SMOC2: variants seen among roughly 807,000 people sequenced by gnomAD.
SMOC2 encodes SPARC-related modular calcium-binding protein 2.
A neutral mutation model predicts 61.4 loss-of-function variants in SMOC2; 39 were observed. The ratio of observed to expected loss-of-function variants is 0.64; its 90% CI spans 0.49 to 0.83. SMOC2 has a LOEUF of 0.83. Among genes scored for constraint, SMOC2 ranks in the 40% least tolerant of loss-of-function variants. SMOC2 has a pLI of 0.00. For synonymous variants in SMOC2, 247 were observed against 239.9 expected (o/e 1.03, Z -0.27); for missense variants, 556 against 592.9 (o/e 0.94, Z 0.65).
chr6:168,449,679 C>T (rs895933189), intron 1 of SMOC2, among the ~76,000 whole-genome samples: 2 of 152,150 alleles, frequency 1.3e-5, no homozygotes, highest in African/African-American at 4.8e-5. Context: ...TCAGATAAAC[C>T]GTGCATGGCC....
intron 1 of SMOC2, among the ~76,000 whole-genome samples, chr6:168,455,215 C>T (rs1167248261): frequency 6.6e-6 from 1 of 152,128 alleles, no homozygotes; most frequent in East Asian, 1.9e-4. Flanking sequence ...CTTCAGTTGG[C>T]CCCAGAGAGG....
intron 2 of SMOC2, among the ~76,000 whole-genome samples, chr6:168,523,061 A>C (rs1186640930): frequency 8.9e-6 from 1 of 112,504 alleles, no homozygotes; most frequent in Non-Finnish European, 2.1e-5. Context: ...ATTTTATGTT[A>C]TTTGTAGTTG....
At chr6:168,603,864 G>A (rs1015041834) in intron 8 of SMOC2, among the ~76,000 whole-genome samples, 1 of 152,250 alleles carries the variant, frequency 6.6e-6, no homozygotes, top group African/African-American at 2.4e-5. Context: ...CAGAGGTGGT[G>A]AATGCCACTG....
intron 1 of SMOC2, among the ~76,000 whole-genome samples, chr6:168,478,852 A>C (rs1782145808): frequency 6.6e-6 from 1 of 151,954 alleles, no homozygotes; most frequent in African/African-American, 2.4e-5. Flanking sequence ...CCTGGTTTAC[A>C]GACCCTGTCT....
intron 8 of SMOC2, among the ~76,000 whole-genome samples, chr6:168,603,719 A>C (rs1459969179): frequency 7.8e-6 from 1 of 127,922 alleles, no homozygotes; most frequent in Non-Finnish European, 1.8e-5. Context: ...AGGAAAAAAA[A>C]AAAAACCAGT....
intron 1 of SMOC2, among the ~76,000 whole-genome samples, chr6:168,499,073 C>T (rs2609328): frequency 0.27 from 20,253 of 75,470 alleles, 840 homozygotes; most frequent in East Asian, 0.43. Flanking sequence ...CATAGCCTGT[C>T]TACTACACAT....
chr6:168,458,057 A>G (rs1459376987), intron 1 of SMOC2, among the ~76,000 whole-genome samples: 1 of 152,148 alleles, frequency 6.6e-6, no homozygotes, highest in Non-Finnish European at 1.5e-5. Flanking sequence ...CACTTACTCC[A>G]AAACAATTAA....
intron 9 of SMOC2, among the ~76,000 whole-genome samples, chr6:168,613,277 C>T (rs375075682): frequency 1.1e-4 from 16 of 152,270 alleles, no homozygotes; most frequent in Middle Eastern, 3.4e-3. Context: ...GCCATTCCTT[C>T]CTCCACCAGC....
At position 168,535,881 on chromosome 6, in the gene SMOC2, C is replaced by T. The variant is rs1175793036; in HGVS notation, c.464-7744C>T. ...CAGCTTCACGGCACAGGGGCGCCGC[C>T]GGGGGAAGATGGGAGGGAGACGCAT... On this transcript the variant is annotated intron_variant, in intron 4 of 12. Transcript: ENST00000356284. The surrounding 1 kb of genome is among the most constrained non-coding windows in gnomAD (Gnocchi z 4.6). Among the ~76,000 whole-genome samples, 3 of 152,156 alleles carry T rather than the reference C, an allele frequency of 2.0e-5. No homozygotes were observed. Among genetic ancestry groups the T allele is most frequent in the Admixed American group, 6.5e-5 (1 of 15,280 alleles).
At chr6:168,446,229 G>T (rs915402509) in intron 1 of SMOC2, among the ~76,000 whole-genome samples, 4 of 152,148 alleles carry the variant, frequency 2.6e-5, no homozygotes, top group Non-Finnish European at 5.9e-5. Context: ...TGGGTGTGGT[G>T]ACACGCACCT....
intron 1 of SMOC2, among the ~76,000 whole-genome samples, chr6:168,474,059 G>A (rs1301139259): frequency 6.6e-6 from 1 of 152,136 alleles, no homozygotes; most frequent in African/African-American, 2.4e-5. Context: ...GCTTGTGTGA[G>A]GGCTCAGTGT....
At chr6:168,560,534 T>A (rs933049709) in intron 7 of SMOC2, among the ~76,000 whole-genome samples, 2 of 144,288 alleles carry the variant, frequency 1.4e-5, no homozygotes, top group African/African-American at 5.1e-5. Context: ...TTGGAGGAGG[T>A]GTCATTTTCC....
At chr6:168,565,755 A>G (rs1334885396) in intron 7 of SMOC2, among the ~76,000 whole-genome samples, 1 of 152,188 alleles carries the variant, frequency 6.6e-6, no homozygotes, top group Non-Finnish European at 1.5e-5. Flanking sequence ...CACCAACGCC[A>G]TCACCCTTCT....
chr6:168,483,501 A>G (rs916884999), intron 1 of SMOC2, among the ~76,000 whole-genome samples: 1 of 152,164 alleles, frequency 6.6e-6, no homozygotes, highest in East Asian at 1.9e-4. Flanking sequence ...GCTAAGTATT[A>G]GTATTGTTAA....
intron 1 of SMOC2, among the ~76,000 whole-genome samples, chr6:168,446,757 A>T (rs184853871): frequency 6.6e-6 from 1 of 152,240 alleles, no homozygotes; most frequent in African/African-American, 2.4e-5. Flanking sequence ...AGATTGTAAT[A>T]AAACAAATAA....
At chr6:168,625,605 C>G (rs867813668) in intron 9 of SMOC2, among the ~76,000 whole-genome samples, 2 of 152,232 alleles carry the variant, frequency 1.3e-5, no homozygotes, top group East Asian at 3.8e-4. Flanking sequence ...CCTAGGCCTC[C>G]GTCTTCTGCC....
At chr6:168,539,660 G>A (rs1367475342) in intron 4 of SMOC2, among the ~76,000 whole-genome samples, 1 of 152,248 alleles carries the variant, frequency 6.6e-6, no homozygotes, top group Non-Finnish European at 1.5e-5. Flanking sequence ...TAACAGGTGG[G>A]GCTTGCAGGG....
At chr6:168,485,252 A>G (rs563870431) in intron 1 of SMOC2, among the ~76,000 whole-genome samples, 3 of 152,332 alleles carry the variant, frequency 2.0e-5, no homozygotes, top group African/African-American at 7.2e-5. Flanking sequence ...AAAATTGTTC[A>G]AGTGCTTTGG....
chr6:168,597,857 C>T (rs1256014986), intron 7 of SMOC2, among the ~76,000 whole-genome samples: 1 of 152,114 alleles, frequency 6.6e-6, no homozygotes, highest in African/African-American at 2.4e-5. Flanking sequence ...AGTCAGGAGG[C>T]GGTTGCCAGC....
Sources: gnomAD v4.1 joint callset for allele counts (sites outside exome capture counted in the v4.1 genomes callset) on GRCh38, gnomAD v4.1.1 for gene constraint, Gnocchi (gnomAD v3.1) non-coding constraint, MANE v1.5 for transcripts, NCBI Gene and HGNC (gene_info 2026-07-23, HGNC 2026-07-21) for gene names.